ANKS1B: variants seen among roughly 807,000 people sequenced by gnomAD.
ANKS1B encodes the protein ankyrin repeat and sterile alpha motif domain containing 1B.
In ANKS1B, 36 loss-of-function variants were observed where a neutral mutation model predicts 148.3. That is an observed-to-expected ratio of 0.24 (90% confidence interval 0.19 to 0.32). The LOEUF (loss-of-function observed/expected upper bound fraction) is 0.32. ANKS1B is among the 10% of genes least tolerant of loss of function. ANKS1B has a pLI of 1.00. For synonymous variants in ANKS1B, 542 were observed against 560.8 expected (o/e 0.97, Z 0.47); for missense variants, 1,157 against 1,542.6 (o/e 0.75, Z 4.19).
chr12:99,887,587 C>T (rs1013907714), intron 1 of ANKS1B, among the ~76,000 whole-genome samples: 2 of 152,072 alleles, frequency 1.3e-5, no homozygotes, highest in Non-Finnish European at 2.9e-5. Flanking sequence ...CAGACTCTAC[C>T]ATATACACAC....
At chr12:99,204,466 G>T (rs2082404815) in intron 14 of ANKS1B, among the ~76,000 whole-genome samples, 1 of 152,218 alleles carries the variant, frequency 6.6e-6, no homozygotes, top group African/African-American at 2.4e-5. Context: ...TTATTTTGAG[G>T]TGAGTGAAAT....
chr12:99,426,398 A>T (rs1165236343), intron 11 of ANKS1B, among the ~76,000 whole-genome samples: 1 of 148,848 alleles, frequency 6.7e-6, no homozygotes, highest in Non-Finnish European at 1.5e-5. Context: ...AATATTTTTG[A>T]GAAAAATTAT....
intron 9 of ANKS1B, among the ~76,000 whole-genome samples, chr12:99,511,638 C>T (rs967050134): frequency 3.3e-5 from 5 of 152,004 alleles, no homozygotes; most frequent in East Asian, 1.9e-4. Flanking sequence ...AAGTTGGAGG[C>T]ATCACGCTAC....
At chr12:99,081,497 C>T (rs2049762205) in intron 16 of ANKS1B, among the ~76,000 whole-genome samples, 1 of 152,158 alleles carries the variant, frequency 6.6e-6, no homozygotes, top group Non-Finnish European at 1.5e-5. Flanking sequence ...ACACTATTAA[C>T]CATCTGAAGA....
At chr12:99,619,443 G>C (rs899777315) in intron 9 of ANKS1B, among the ~76,000 whole-genome samples, 12 of 151,968 alleles carry the variant, frequency 7.9e-5, no homozygotes, top group Admixed American at 6.6e-5. Context: ...GCATAGATCT[G>C]GGTACAGGAG....
At chr12:99,159,465 G>C (rs1178436228) in intron 14 of ANKS1B, among the ~76,000 whole-genome samples, 1 of 152,076 alleles carries the variant, frequency 6.6e-6, no homozygotes, top group Non-Finnish European at 1.5e-5. Flanking sequence ...ACTTATAAGT[G>C]AGAACATACA....
chr12:99,052,722 G>A (rs529713377), intron 17 of ANKS1B, among the ~76,000 whole-genome samples: 127 of 77,970 alleles, frequency 1.6e-3, no homozygotes, highest in Admixed American at 4.5e-3. Context: ...GCGACAGAGC[G>A]AGACTCCGTC....
chr12:99,979,668 C>T (rs773989057), intron 1 of ANKS1B, among the ~76,000 whole-genome samples: 2 of 151,890 alleles, frequency 1.3e-5, no homozygotes, highest in Non-Finnish European at 2.9e-5. Flanking sequence ...CAGAAACAAG[C>T]CATAATAAAG....
At chr12:99,970,224 C>T (rs554048603) in intron 1 of ANKS1B, among the ~76,000 whole-genome samples, 84 of 152,086 alleles carry the variant, frequency 5.5e-4, no homozygotes, top group African/African-American at 1.8e-3. Context: ...GGAAATAACA[C>T]GTTTAACAAA....
chr12:99,825,409 G>A lies in ANKS1B; in HGVS notation c.135-20C>T, dbSNP rs375771059. The A allele has an allele frequency of 1.3e-5, 20 of 1,595,776 alleles. No homozygotes were observed. The highest frequency in any genetic ancestry group is 1.7e-4 in the Middle Eastern group (1 of 6,034). ...CAGATGCTGCAAATAAAGCACAAGCGCAGAGTTAACAGTGAAGCCAGATCT... is the reference window on the plus strand; with the variant it reads ...CAGATGCTGCAAATAAAGCACAAGCACAGAGTTAACAGTGAAGCCAGATCT... On this transcript the variant is annotated intron_variant, in intron 1 of 26. Coordinates refer to ENST00000683438, the MANE Select transcript of ANKS1B (RefSeq NM_001352186.2).
At chr12:99,383,849 CAAAAAAAA>C (rs1160915276) in intron 12 of ANKS1B, among the ~76,000 whole-genome samples, 1 of 77,834 alleles carries the variant, frequency 1.3e-5, no homozygotes, top group South Asian at 4.1e-4. Context: ...CCCATCTCTA[CAAAAAAAA>C]AAAAAAAAAA....
chr12:99,710,046 C>T (rs1384511539), intron 8 of ANKS1B, among the ~76,000 whole-genome samples: 4 of 151,958 alleles, frequency 2.6e-5, no homozygotes, highest in Non-Finnish European at 1.5e-5. Context: ...TAATGGGGCT[C>T]ATTCATTTTC....
intron 4 of ANKS1B, among the ~76,000 whole-genome samples, chr12:99,805,790 T>A (rs111932826): frequency 1.4e-3 from 210 of 152,242 alleles, no homozygotes; most frequent in African/African-American, 4.8e-3. Flanking sequence ...CTGAGTGTCC[T>A]TAGGCATAGT....
At chr12:99,190,998 G>GA (rs201362586) in intron 14 of ANKS1B, among the ~76,000 whole-genome samples, 1,982 of 138,468 alleles carry the variant, frequency 0.014, 45 homozygotes, top group African/African-American at 0.047. Flanking sequence ...AAATTTTCAA[G>GA]AAAAAAAAAA....
chr12:99,143,096 C>T (rs2071568541), intron 15 of ANKS1B, among the ~76,000 whole-genome samples: 1 of 152,102 alleles, frequency 6.6e-6, no homozygotes, highest in African/African-American at 2.4e-5. Flanking sequence ...GAAGGACAAG[C>T]CTAATTCTCT....
chr12:99,197,711 T>C (rs1428965802), intron 14 of ANKS1B, among the ~76,000 whole-genome samples: 1 of 152,118 alleles, frequency 6.6e-6, no homozygotes, highest in Non-Finnish European at 1.5e-5. Context: ...AATCAAGAAA[T>C]GTGGGTGGCC....
At chr12:99,600,856 A>C (rs1002148407) in intron 9 of ANKS1B, among the ~76,000 whole-genome samples, 9 of 152,086 alleles carry the variant, frequency 5.9e-5, no homozygotes, top group Non-Finnish European at 1.2e-4. Context: ...CAAGTACAAA[A>C]TGTTTTGATC....
downstream of ANKS1B, among the ~76,000 whole-genome samples, chr12:98,743,353 A>G (rs2097819421): frequency 2.7e-5 from 3 of 111,782 alleles, no homozygotes; most frequent in Admixed American, 2.5e-4. Context: ...ACTCAGATTT[A>G]TCATAGAATA....
At chr12:99,591,998 T>G (rs1354792536) in intron 9 of ANKS1B, among the ~76,000 whole-genome samples, 1 of 152,132 alleles carries the variant, frequency 6.6e-6, no homozygotes, top group Non-Finnish European at 1.5e-5. Flanking sequence ...ACAGAGCAAA[T>G]AATGTGTATG....
Sources: allele counts gnomAD v4.1 joint callset (sites outside exome capture counted in the v4.1 genomes callset), GRCh38; gene constraint gnomAD v4.1.1; transcripts MANE v1.5; gene names NCBI Gene and HGNC (gene_info 2026-07-23, HGNC 2026-07-21).